Variants in PLOD3 observed in about 807,000 individuals in gnomAD.
PLOD3 encodes the protein multifunctional procollagen lysine hydroxylase and glycosyltransferase LH3.
PLOD3 carries 73 observed loss-of-function variants against 96.9 expected under a neutral mutation model. The observed-to-expected ratio is 0.75, with a 90% CI of 0.62 to 0.92. PLOD3 has a LOEUF of 0.92. PLOD3 is among the 40% of genes least tolerant of loss of function. The probability of loss-of-function intolerance (pLI) is 0.00; values close to 1 mark genes in which losing one functional copy is unlikely to be tolerated. For synonymous variants in PLOD3, 454 were observed against 413.7 expected, an observed-to-expected ratio of 1.10 and a Z score of -1.18; for missense variants, 1,004 against 1,004.3, an observed-to-expected ratio of 1.00 and a Z score of 0.00.
At position 101,211,940 on chromosome 7, in the gene PLOD3, G is replaced by A. The variant is rs1362778232; in HGVS notation, c.1138C>T (p.Arg380Trp). ...EARDMAMDLC[R>W]QDPECEFYFS... ...TAGAACTCACACTCGGGGTCCTGCC[G>A]ACACAGGTCCCTGGAGGTGAGAGGC... The change falls in exon 11 of 19, where the codon CGG becomes TGG. Residue 380 changes from arginine (R) to tryptophan (W), a missense_variant. By Grantham distance (101) the Arg-to-Trp change is moderately radical (BLOSUM62 -3). This residue lies in a region of PLOD3 where 690 missense variants were observed against 650.2 expected (regional missense o/e 1.06). Transcript: ENST00000223127. 5.6e-6 allele frequency: 9 copies of A among 1,603,342 alleles called. No individual in the cohort carries two copies. The highest frequency in any genetic ancestry group is 3.4e-5 in the Admixed American group (2 of 58,366).
intron 5 of PLOD3, 44 bp from the exon 6 acceptor site, chr7:101,215,196 T>C (rs745665403): frequency 2.3e-6 from 3 of 1,307,150 alleles, no homozygotes; most frequent in Non-Finnish European, 3.3e-6. Flanking sequence ...ATGGAAGGAG[T>C]GGAAAGGACA....
rs1309876269 is a variant in PLOD3, at chr7:101,212,394, G to A, written c.1006-20C>T. The stretch of plus-strand genomic sequence containing the variant: ...GACCTCCTGGGAGGGGAAGACATAG[G>A]GGGATGGGCTCAGAGGGCAGGGAGG... On this transcript the variant is annotated intron_variant, in intron 9 of 18. Coordinates refer to ENST00000223127, the MANE Select transcript of PLOD3 (RefSeq NM_001084.5). 2 of 1,612,792 alleles carry A rather than the reference G, an allele frequency of 1.2e-6. No homozygotes were observed. Among genetic ancestry groups the A allele is most frequent in the Non-Finnish European group, 1.7e-6 (2 of 1,179,458 alleles).
Position 101,212,934 on chromosome 7 carries a change from T to A in PLOD3, c.787A>T (p.Asn263Tyr), listed in dbSNP as rs1397115128. Residue 263 changes from asparagine to tyrosine, a missense_variant, in exon 8 of 19, where the codon AAC (asparagine) becomes TAC (tyrosine). Asn to Tyr is a moderately radical substitution (Grantham distance 143). Transcript: ENST00000223127. ...TTGGGGACGTAGTTTCCCAGGTAGT[T>A]GAGCTGCAGCTGTTGGGGACAGACT... ...HGNGPTKLQL[N>Y]YLGNYVPNGW... The A allele has an allele frequency of 1.9e-6, 3 of 1,612,880 alleles. No individual in the cohort carries two copies. The highest frequency in any genetic ancestry group is 2.5e-6 in the Non-Finnish European group (3 of 1,178,992).
chr7:101,206,438 T>G lies in PLOD3; in HGVS notation c.2062-2A>C. 6.3e-7 allele frequency: 1 copy of G among 1,596,094 alleles called. No homozygotes were observed. Among genetic ancestry groups the G allele is most frequent in the Non-Finnish European group, 8.5e-7 (1 of 1,171,926 alleles). ...GCGCAGGAAGCGGCAGCCACCTCCC[T>G]GGAAAGAGAAGGGAAAGGAAACATG... On this transcript the variant is annotated splice_acceptor_variant, in intron 18 of 18. Coordinates refer to ENST00000223127, the MANE Select transcript of PLOD3 (RefSeq NM_001084.5). LOFTEE classifies it high-confidence loss of function.
At position 101,207,018 on chromosome 7, in the gene PLOD3, G is replaced by A. The variant is rs185514522; in HGVS notation, c.1936-114C>T. 1.6e-4 allele frequency: 201 copies of A among 1,257,736 alleles called. 1 individual carries two copies. The African/African-American group carries it at 2.4e-3, about 15-fold the overall frequency. The allele number at this position is 1,257,736 out of a possible 1,614,324, so 77.9% of individuals were successfully genotyped here. On this transcript the variant is annotated intron_variant, in intron 17 of 18. Coordinates refer to ENST00000223127, the MANE Select transcript of PLOD3 (RefSeq NM_001084.5). ...CTCGCTCTGTCACTCAGGCTGGAGT[G>A]CAGTGGTGCGATCTTGGCTCGATCT...
Position 101,212,876 on chromosome 7 carries a change from C to T in PLOD3, c.845G>A (p.Cys282Tyr). Residue 282 changes from cysteine to tyrosine, a missense_variant, in exon 8 of 19, where the codon TGC (cysteine) becomes TAC (tyrosine). Physicochemically the swap from Cys to Tyr is radical, Grantham distance 194. Around this residue, in one of 5 missense-constraint regions of PLOD3, gnomAD observed 690 missense variants for 650.2 expected, o/e 1.06. Transcript: ENST00000223127. Reference protein sequence around the residue: ...GWTPEGGCGFCNQDRRTLPGG... With the variant: ...GWTPEGGCGFYNQDRRTLPGG... ...CGGGAGTGTCCTCCGGTCCTGGTTG[C>T]AGAAGCCACAGCCTCCCTCAGGAGT... is the stretch of plus-strand genomic sequence containing the variant. The T allele has an allele frequency of 6.2e-7, 1 of 1,613,652 alleles. No homozygotes were observed. Among genetic ancestry groups the T allele is most frequent in the Non-Finnish European group, 8.5e-7 (1 of 1,179,738 alleles).
At chr7:101,212,495 G>T in intron 9 of PLOD3, 35 bp downstream of exon 9, 1 of 1,611,286 alleles carries the variant, frequency 6.2e-7, no homozygotes, top group Non-Finnish European at 8.5e-7. Context: ...CAGGGAAAGG[G>T]TCCCTCAGGA....
rs200949505 is a variant in PLOD3 at position 101,216,413 on chromosome 7, T to C, written c.335A>G (p.Asp112Gly). Residue 112 changes from aspartate (D) to glycine (G), a missense_variant, in exon 3 of 19, where the codon GAT becomes GGT. Coordinates refer to ENST00000223127, the MANE Select transcript of PLOD3 (RefSeq NM_001084.5). ...TCCCTATCCCCAGCCCCGTTACCTA[T>C]CCACAAACATGATGATCATATCCTC... ...DREDMIIMFV[D>G]SYDVILAGSP... The C allele has an allele frequency of 2.5e-4, 410 of 1,614,038 alleles. No individual in the cohort carries two copies. Among genetic ancestry groups the C allele is most frequent in the Non-Finnish European group, 3.9e-5 (46 of 1,180,032 alleles).
chr7:101,208,668 A>T lies in PLOD3; in HGVS notation c.1788+185T>A, dbSNP rs1798129985. 6.5e-6 allele frequency: 4 copies of T among 613,882 alleles called. No homozygotes were observed. The East Asian group carries it at 1.3e-4, about 19-fold the overall frequency. The allele number at this position is 613,882 out of a possible 1,614,324, so 38.0% of individuals were successfully genotyped here. On this transcript the variant is annotated intron_variant, in intron 16 of 18. Coordinates refer to ENST00000223127, the MANE Select transcript of PLOD3 (RefSeq NM_001084.5). The stretch of plus-strand genomic sequence containing the variant: ...CTCCCAAAGTGCTAGGATTACAGGC[A>T]TGAGCCACTGTGCCCAGCAGTAAAT...
In PLOD3 at chr7:101,208,897, CCACCA is replaced by C; in HGVS notation, c.1739_1743del (p.Leu580ArgfsTer15). 6 of 1,613,992 alleles carry C rather than the reference CCACCA, an allele frequency of 3.7e-6. No individual in the cohort carries two copies. The highest frequency in any genetic ancestry group is 5.1e-6 in the Non-Finnish European group (6 of 1,179,892). ...CACTGGCCGTAGTGCTCCATCTCTG[CCACCA>C]GCTCATCACACATTTGTTCTGACAG... is the stretch of plus-strand genomic sequence containing the variant. On this transcript the variant is annotated frameshift_variant, in exon 16 of 19. Transcript: ENST00000223127. LOFTEE classifies it high-confidence loss of function.
chr7:101,217,196 G>A lies in PLOD3; in HGVS notation c.79C>T (p.Arg27Trp), dbSNP rs1755509640. Residue 27 changes from arginine to tryptophan, a missense_variant, in exon 1 of 19, where the codon CGG becomes TGG. Arg to Trp is a moderately radical substitution (Grantham distance 101). Around this residue, in one of 5 missense-constraint regions of PLOD3, gnomAD observed 690 missense variants for 650.2 expected, o/e 1.06. Coordinates refer to ENST00000223127, the MANE Select transcript of PLOD3 (RefSeq NM_001084.5). ...TTGACCGGGTCTCGGCCCCGGGGCCGGTCGGAGGCTGAGGCCGCAGGGGGC... is the reference window on the plus strand; with the variant it reads ...TTGACCGGGTCTCGGCCCCGGGGCCAGTCGGAGGCTGAGGCCGCAGGGGGC... ...LLPPAASASD[R>W]PRGRDPVNPE... is the part of the protein sequence containing the mutation. 1 of 1,496,268 alleles carries A rather than the reference G, an allele frequency of 6.7e-7. No individual in the cohort carries two copies. The highest frequency in any genetic ancestry group is 8.9e-7 in the Non-Finnish European group (1 of 1,124,516). The allele number at this position is 1,496,268 out of a possible 1,614,324, so 92.7% of individuals were successfully genotyped here.
chr7:101,213,675 C>A (rs1400186776), intron 6 of PLOD3: 1 of 166,264 alleles, frequency 6.0e-6, no homozygotes, highest in Non-Finnish European at 1.3e-5. Flanking sequence ...TGCCACTACA[C>A]CTGGCTAATT....
chr7:101,216,770 G>C lies in PLOD3; in HGVS notation c.126C>G (p.Ile42Met). 1 of 1,613,232 alleles carries C rather than the reference G, an allele frequency of 6.2e-7. No homozygotes were observed. The highest frequency in any genetic ancestry group is 1.6e-4 in the Middle Eastern group (1 of 6,062). Residue 42 changes from isoleucine (I) to methionine (M), a missense_variant, in exon 2 of 19, where the codon ATC (isoleucine) becomes ATG (methionine). This residue lies in a region of PLOD3 where 690 missense variants were observed against 650.2 expected (regional missense o/e 1.06). Transcript: ENST00000223127. Reference sequence around the variant, plus strand: ...CCTCGGTTTCAGCTGTGGCCACAGTGATCACCAGCAGCTTCTCTGTTACCA... The same window carrying C: ...CCTCGGTTTCAGCTGTGGCCACAGTCATCACCAGCAGCTTCTCTGTTACCA... The part of the protein sequence containing the change: ...DPVNPEKLLV[I>M]TVATAETEGY...
chr7:101,206,845 C>A lies in PLOD3; in HGVS notation c.1995G>T (p.Arg665=). The part of the protein sequence containing the change: ...RYRPDEQPSL[R]PHHDSSTFTL... ...TGAAGGTGGATGAGTCGTGGTGTGGCCGCAGAGACGGCTGCTCGTCTGGCC... is the reference window on the plus strand; with the variant it reads ...TGAAGGTGGATGAGTCGTGGTGTGGACGCAGAGACGGCTGCTCGTCTGGCC... Residue 665 remains arginine (R), a synonymous_variant, in exon 18 of 19, where the codon CGG becomes CGT. Coordinates refer to ENST00000223127, the MANE Select transcript of PLOD3 (RefSeq NM_001084.5). 2 of 1,570,188 alleles carry A rather than the reference C, an allele frequency of 1.3e-6. No individual in the cohort carries two copies. The highest frequency in any genetic ancestry group is 1.7e-6 in the Non-Finnish European group (2 of 1,157,274).
At chr7:101,207,942 A>G (rs1010424828) in intron 16 of PLOD3, among the ~76,000 whole-genome samples, 3 of 151,962 alleles carry the variant, frequency 2.0e-5, no homozygotes, top group Admixed American at 2.0e-4. Flanking sequence ...ACTCCTCCCA[A>G]GTCTGGGTCA....
chr7:101,212,771 A>C (rs1016989734), intron 8 of PLOD3, 71 bp downstream of exon 8: 158 of 1,507,014 alleles, frequency 1.0e-4, no homozygotes, highest in Non-Finnish European at 1.4e-4. Flanking sequence ...ACCGCCCCCC[A>C]GTCCGCTGTC....
In PLOD3 at chr7:101,217,175, C is replaced by T. The variant is rs1798291842; in HGVS notation, c.100G>A (p.Val34Ile). 3.4e-6 allele frequency: 5 copies of T among 1,489,350 alleles called. No individual in the cohort carries two copies. Among genetic ancestry groups the T allele is most frequent in the Non-Finnish European group, 4.5e-6 (5 of 1,120,616 alleles). The allele number at this position is 1,489,350 out of a possible 1,614,324, so 92.3% of individuals were successfully genotyped here. ...ASDRPRGRDP[V>I]NPEKLLVITV... ...CTCCCCGGGATCTCACCTGGGTTGA[C>T]CGGGTCTCGGCCCCGGGGCCGGTCG... The change falls in exon 1 of 19, where the codon GTC (valine) becomes ATC (isoleucine). Residue 34 changes from valine to isoleucine, a missense_variant. Val to Ile is a conservative substitution (Grantham distance 29). This residue lies in a region of PLOD3 where 690 missense variants were observed against 650.2 expected (regional missense o/e 1.06). Transcript: ENST00000223127.
At chr7:101,206,999 C>G in intron 17 of PLOD3, 95 bp from the exon 18 acceptor site, 1 of 1,411,852 alleles carries the variant, frequency 7.1e-7, no homozygotes, top group Non-Finnish European at 9.6e-7. Context: ...TAGTCTCGCT[C>G]TGTCACTCAG....
rs558548387 is a variant in PLOD3 at position 101,208,789 on chromosome 7, T to G, written c.1788+64A>C. 26 of 1,102,424 alleles carry G rather than the reference T, an allele frequency of 2.4e-5. No homozygotes were observed. In the African/African-American group the frequency reaches 3.5e-4, roughly 15 times the overall value. 68.3% of individuals were successfully genotyped at this position (1,102,424 alleles called of 1,614,324 possible). A position where few individuals can be genotyped will look rare whatever the true frequency, so the allele number is the denominator to read the frequency against. On this transcript the variant is annotated intron_variant, in intron 16 of 18. Coordinates refer to ENST00000223127, the MANE Select transcript of PLOD3 (RefSeq NM_001084.5). ...CTCCCATTTTCCTGATTCCATTGTT[T>G]GTTTACCAGATCCTGCACCTCCTCC...
Sources: allele counts gnomAD v4.1 joint callset (sites outside exome capture counted in the v4.1 genomes callset), GRCh38; gene constraint gnomAD v4.1.1; regional missense constraint gnomAD v4.1.1; transcripts MANE v1.5; gene names NCBI Gene and HGNC (gene_info 2026-07-23, HGNC 2026-07-21).